Variants in ANK2 observed in about 807,000 individuals in gnomAD.
ANK2 encodes the protein ankyrin 2, also known as ankyrin-2.
ANK2 carries 83 observed loss-of-function variants against 360.5 expected under a neutral mutation model. The ratio of observed to expected loss-of-function variants is 0.23; its 90% confidence interval spans 0.19 to 0.28. The LOEUF is 0.28. ANK2 is among the 10% of genes least tolerant of loss of function. The pLI, the probability that ANK2 is intolerant of heterozygous loss-of-function variation, is 1.00. For synonymous variants in ANK2, 1,740 were observed against 1,759.5 expected, an observed-to-expected ratio of 0.99 and a Z score of 0.28; for missense variants, 4,201 against 4,795.7, an observed-to-expected ratio of 0.88 and a Z score of 3.66.
At chr4:113,309,035 G>A (rs1213290367) in intron 23 of ANK2, among the ~76,000 whole-genome samples, 1 of 152,194 alleles carries the variant, frequency 6.6e-6, no homozygotes, top group East Asian at 1.9e-4. Flanking sequence ...TCCAGTTATA[G>A]ACCAACCTGG....
At chr4:113,350,510 G>T in intron 37 of ANK2, 1 of 387,644 alleles carries the variant, frequency 2.6e-6, no homozygotes, top group South Asian at 3.6e-5. Context: ...TGTTAACCCT[G>T]GTATTGCTGT....
intron 2 of ANK2, among the ~76,000 whole-genome samples, chr4:113,008,066 C>A (rs1227328632): frequency 6.6e-6 from 1 of 151,102 alleles, no homozygotes; most frequent in East Asian, 1.9e-4. Context: ...GTAGTTTTAC[C>A]TGGAAAAAGT....
chr4:113,168,354 T>C (rs534988783), intron 1 of ANK2, among the ~76,000 whole-genome samples: 1 of 152,368 alleles, frequency 6.6e-6, no homozygotes, highest in East Asian at 1.9e-4. Context: ...AGTAAAAATA[T>C]AAACACTTAA....
intron 45 of ANK2, chr4:113,374,973 T>C (rs2096874058): frequency 1.9e-6 from 2 of 1,066,342 alleles, no homozygotes; most frequent in African/African-American, 1.7e-5. Flanking sequence ...ATTTGTCTTT[T>C]TATGTGTGTG....
intron 1 of ANK2, among the ~76,000 whole-genome samples, chr4:112,848,686 C>T (rs1579618488): frequency 6.6e-6 from 1 of 152,136 alleles, no homozygotes; most frequent in Non-Finnish European, 1.5e-5. Context: ...TTGGTTGTCT[C>T]ACCTGCTGGA....
At chr4:112,788,773 G>C in the ANK2 span, 1 of 1,475,378 alleles carries the variant, frequency 6.8e-7, no homozygotes, top group South Asian at 1.1e-5. Context: ...AAATTCTTAG[G>C]CCTTTCCTCA....
chr4:112,810,151 A>ATT, the ANK2 span, among the ~76,000 whole-genome samples: 1 of 26,292 alleles, frequency 3.8e-5, no homozygotes, highest in African/African-American at 1.3e-4. Context: ...ATATATATAT[A>ATT]TATATATATT....
intron 28 of ANK2, among the ~76,000 whole-genome samples, chr4:113,332,492 T>C (rs191206865): frequency 2.0e-5 from 3 of 152,336 alleles, no homozygotes; most frequent in Admixed American, 6.5e-5. Flanking sequence ...TTGGACACAA[T>C]TGGGCTGTCT....
At chr4:113,183,575 C>T (rs760020557) in intron 2 of ANK2, among the ~76,000 whole-genome samples, 3 of 151,940 alleles carry the variant, frequency 2.0e-5, no homozygotes, top group South Asian at 2.1e-4. Context: ...AAGTGGGCAC[C>T]GTGAAAAGAT....
chr4:113,178,511 G>T (rs1056463542), intron 2 of ANK2, among the ~76,000 whole-genome samples: 1 of 149,874 alleles, frequency 6.7e-6, no homozygotes, highest in African/African-American at 2.5e-5. Flanking sequence ...AGTGGAGGTT[G>T]CAGTGAGCCA....
At position 113,049,781 on chromosome 4, in the gene ANK2, G is replaced by A. The variant is rs746628566; in HGVS notation, c.53G>A (p.Gly18Asp). Residue 18 changes from glycine to aspartate, a missense_variant, in exon 1 of 46, where the codon GGC becomes GAC. Physicochemically the swap from Gly to Asp is moderately conservative, Grantham distance 94 (BLOSUM62 -1). Transcript: ENST00000357077. ...QKSDSGEKFN[G>D]SSQRRKRPKK... ...AGCGACAGTGGAGAGAAGTTCAACG[G>A]CAGTAGTCAGAGGAGAAAAAGACCC... is the stretch of plus-strand genomic sequence containing the variant. 1.2e-6 allele frequency: 2 copies of A among 1,613,766 alleles called. No homozygotes were observed. Among genetic ancestry groups the A allele is most frequent in the Non-Finnish European group, 1.7e-6 (2 of 1,179,784 alleles).
At chr4:113,253,320 T>G (rs781135085) in intron 10 of ANK2, among the ~76,000 whole-genome samples, 2 of 152,190 alleles carry the variant, frequency 1.3e-5, no homozygotes, top group African/African-American at 2.4e-5. Flanking sequence ...GAGCTCAGTC[T>G]TTGTATCTTT....
At chr4:112,788,191 A>G in the ANK2 span, 3 of 1,579,762 alleles carry the variant, frequency 1.9e-6, no homozygotes, top group Non-Finnish European at 1.7e-6. Flanking sequence ...GGCAGATCTC[A>G]TCGTATCTGT....
chr4:113,062,787 C>T lies in ANK2; in HGVS notation c.84+12975C>T, dbSNP rs192655699. On this transcript the variant is annotated intron_variant, in intron 1 of 45. Transcript: ENST00000357077. ...GTGAGAATGATCCCTTGCACCTTTT[C>T]AAGCACAGCTGTCTAGTAAACATTT... Among the ~76,000 whole-genome samples, 226 of 152,150 alleles carry T rather than the reference C, an allele frequency of 1.5e-3. 1 individual carries two copies. Among genetic ancestry groups the T allele is most frequent in the Non-Finnish European group, 2.4e-3 (165 of 67,942 alleles).
intron 1 of ANK2, among the ~76,000 whole-genome samples, chr4:113,087,241 CAGCA>C (rs2085318055): frequency 6.6e-6 from 1 of 152,044 alleles, no homozygotes; most frequent in South Asian, 2.1e-4. Context: ...ACAGAGAGAG[CAGCA>C]CATGGTAAAG....
intron 1 of ANK2, among the ~76,000 whole-genome samples, chr4:113,077,126 A>G (rs925062537): frequency 1.1e-4 from 17 of 152,294 alleles, no homozygotes; most frequent in Non-Finnish European, 7.4e-5. Context: ...CTCTCAAACC[A>G]TAGGAACATG....
Position 113,221,890 on chromosome 4 carries a change from T to C in ANK2, c.385-10271T>C, listed in dbSNP as rs141947465. ...GACCCAGAGAGAATACAGTATTTTCTTTCTGTTTGCTGGCAATAACCAGAC... is the reference window on the plus strand; with the variant it reads ...GACCCAGAGAGAATACAGTATTTTCCTTCTGTTTGCTGGCAATAACCAGAC... On this transcript the variant is annotated intron_variant, in intron 4 of 45. Coordinates refer to ENST00000357077, the MANE Select transcript of ANK2 (RefSeq NM_001148.6). 2.0e-5 allele frequency among the ~76,000 whole-genome samples: 3 copies of C among 152,362 alleles called. No individual in the cohort carries two copies. In the East Asian group the frequency reaches 5.8e-4, roughly 29 times the overall value.
Position 113,278,564 on chromosome 4 carries a change from G to A in ANK2, c.1881+6G>A, listed in dbSNP as rs766889569. 1.9e-6 allele frequency: 3 copies of A among 1,613,288 alleles called. No homozygotes were observed. Among genetic ancestry groups the A allele is most frequent in the Non-Finnish European group, 2.5e-6 (3 of 1,179,506 alleles). On this transcript the variant is annotated splice_donor_region_variant and intron_variant, in intron 17 of 45. Coordinates refer to ENST00000357077, the MANE Select transcript of ANK2 (RefSeq NM_001148.6). Reference sequence around the variant, plus strand: ...CCCCTCATGCCACTGCCAAGGTGAGGACCACAGAAAAGGATTTACAGGCAT... The same window carrying A: ...CCCCTCATGCCACTGCCAAGGTGAGAACCACAGAAAAGGATTTACAGGCAT...
At chr4:112,893,350 A>T (rs892870704) in intron 1 of ANK2, among the ~76,000 whole-genome samples, 3 of 152,024 alleles carry the variant, frequency 2.0e-5, no homozygotes, top group Admixed American at 2.0e-4. Flanking sequence ...TTTCCTAAAG[A>T]TGAGGTTTCC....
Sources: allele counts gnomAD v4.1 joint callset (sites outside exome capture counted in the v4.1 genomes callset), GRCh38; gene constraint gnomAD v4.1.1; transcripts MANE v1.5; gene names NCBI Gene and HGNC (gene_info 2026-07-23, HGNC 2026-07-21).